DNAH12: variants seen among roughly 807,000 people sequenced by gnomAD.
The protein encoded by DNAH12 is axonemal beta dynein heavy chain 12.
Under a neutral mutation model 371.5 loss-of-function variants are expected in DNAH12, and 285 were observed. The ratio of observed to expected loss-of-function variants is 0.77; its 90% CI spans 0.70 to 0.85. The LOEUF (loss-of-function observed/expected upper bound fraction) is 0.85, where lower values mean the gene tolerates loss of function less well. Ranked by LOEUF, DNAH12 falls within the 40% of genes least tolerant of loss-of-function variation. The pLI is 0.00. For missense variants in DNAH12, 3,611 were observed against 3,689.4 expected (o/e 0.98, Z 0.55); for synonymous variants, 1,200 against 1,213.0 (o/e 0.99, Z 0.22).
chr3:57,298,660 T>G (rs566561817), intron 70 of DNAH12, among the ~76,000 whole-genome samples: 1 of 152,384 alleles, frequency 6.6e-6, no homozygotes, highest in Admixed American at 6.5e-5. Context: ...TTCTTTGCAG[T>G]ATCTAAACCA....
intron 28 of DNAH12, 148 bp downstream of exon 28, chr3:57,445,026 A>T: frequency 8.6e-7 from 1 of 1,156,156 alleles, no homozygotes; most frequent in South Asian, 1.7e-5. Context: ...GAAGTATAAC[A>T]ACATAACCCA....
intron 52 of DNAH12, 32 bp from the exon 53 acceptor site, chr3:57,377,254 T>G (rs1005955832): frequency 4.6e-5 from 7 of 152,174 alleles, no homozygotes; most frequent in Admixed American, 1.3e-4. Context: ...AGATATGATG[T>G]GTACTTTGTA....
chr3:57,383,225 T>C (rs926443523), intron 49 of DNAH12, among the ~76,000 whole-genome samples: 7 of 152,300 alleles, frequency 4.6e-5, no homozygotes, highest in Non-Finnish European at 1.0e-4. Context: ...AATCCATTTA[T>C]AAAATTCCCT....
intron 25 of DNAH12, among the ~76,000 whole-genome samples, chr3:57,448,923 G>A: frequency 1.8e-5 from 2 of 111,108 alleles, no homozygotes; most frequent in Non-Finnish European, 3.7e-5. Context: ...GATACAGAGT[G>A]CCGATTGGTG....
At chr3:57,478,743 A>C (rs1031142839) in intron 13 of DNAH12, among the ~76,000 whole-genome samples, 4 of 152,220 alleles carry the variant, frequency 2.6e-5, no homozygotes, top group African/African-American at 9.6e-5. Context: ...AAACTCTATA[A>C]GCCAGAAGAG....
rs1419144279 is a variant in DNAH12 at position 57,421,392 on chromosome 3, AAAG to A, written c.5562+123_5562+125del. The A allele has an allele frequency of 2.3e-5, 18 of 788,056 alleles. No homozygotes were observed. In the Admixed American group the frequency reaches 4.5e-4, roughly 20 times the overall value. The allele number at this position is 788,056 out of a possible 1,614,324, so 48.8% of individuals were successfully genotyped here. A position where few individuals can be genotyped will look rare whatever the true frequency, so the allele number is the denominator to read the frequency against. On this transcript the variant is annotated intron_variant, in intron 36 of 73. Transcript: ENST00000495027. Reference sequence around the variant, plus strand: ...CAATAAGTTATGGGAGGTGAAACTAAAAGAAGGGAGCTTAAAAAGCTCACCGCA... The same window carrying A: ...CAATAAGTTATGGGAGGTGAAACTAAAAGGGAGCTTAAAAAGCTCACCGCA...
chr3:57,314,567 A>C lies in DNAH12; in HGVS notation c.10589T>G (p.Phe3530Cys), dbSNP rs1426291436. The C allele has an allele frequency of 5.8e-6, 9 of 1,551,440 alleles. No individual in the cohort carries two copies. The highest frequency in any genetic ancestry group is 1.2e-5 in the South Asian group (1 of 83,958). Reference protein sequence around the residue: ...FHALVQERKKFGPLGWNIPYG... With the variant: ...FHALVQERKKCGPLGWNIPYG... The stretch of plus-strand genomic sequence containing the variant: ...TGGAATATTCCAACCAAGAGGACCA[A>C]ATTTCTTTCTCTCTTGCACAAGGGC... Residue 3530 changes from phenylalanine (F) to cysteine (C), a missense_variant, in exon 66 of 74, where the codon TTT (phenylalanine) becomes TGT (cysteine). Transcript: ENST00000495027.
chr3:57,374,768 AT>A (rs1447999583), intron 55 of DNAH12, among the ~76,000 whole-genome samples: 5 of 86,040 alleles, frequency 5.8e-5, no homozygotes, highest in African/African-American at 9.6e-5. Flanking sequence ...TCAGAAAAAA[AT>A]ATGCCAAAAG....
At chr3:57,316,101 A>G (rs2061679269) in intron 65 of DNAH12, among the ~76,000 whole-genome samples, 1 of 151,642 alleles carries the variant, frequency 6.6e-6, no homozygotes, top group African/African-American at 2.4e-5. Context: ...TTAAACATTA[A>G]AACATACTTT....
At chr3:57,401,187 A>C (rs2063849555) in intron 43 of DNAH12, among the ~76,000 whole-genome samples, 1 of 152,112 alleles carries the variant, frequency 6.6e-6, no homozygotes, top group Non-Finnish European at 1.5e-5. Context: ...AAAAACAAAC[A>C]AACCAAAACT....
At chr3:57,447,202 C>G (rs1269010495) in intron 25 of DNAH12, among the ~76,000 whole-genome samples, 1 of 152,210 alleles carries the variant, frequency 6.6e-6, no homozygotes, top group Non-Finnish European at 1.5e-5. Context: ...CATAAAACTG[C>G]TCTATGCTTC....
intron 13 of DNAH12, 134 bp from the exon 14 acceptor site, chr3:57,472,805 T>C (rs1022377171): frequency 6.4e-6 from 6 of 932,548 alleles, no homozygotes; most frequent in Non-Finnish European, 8.1e-6. Context: ...ATATTTTATA[T>C]ATCACCCAAA....
chr3:57,545,098 T>C (rs191114027), upstream of DNAH12, among the ~76,000 whole-genome samples: 141 of 151,974 alleles, frequency 9.3e-4, no homozygotes, highest in Non-Finnish European at 1.5e-3. Flanking sequence ...TAAAACTTCC[T>C]GGTAGTTTGT....
chr3:57,452,675 A>G (rs538715598), intron 25 of DNAH12, among the ~76,000 whole-genome samples, 168 bp downstream of exon 25: 18 of 152,348 alleles, frequency 1.2e-4, no homozygotes, highest in Non-Finnish European at 2.1e-4. Context: ...TGTATGCTAC[A>G]AAAGCACCCA....
At chr3:57,321,218 G>C (rs1482642999) in intron 65 of DNAH12, among the ~76,000 whole-genome samples, 1 of 152,064 alleles carries the variant, frequency 6.6e-6, no homozygotes, top group Non-Finnish European at 1.5e-5. Context: ...ATTCTACTAA[G>C]CTCTCTTTCT....
At chr3:57,533,817 AG>A (rs1425370087) in intron 2 of DNAH12, among the ~76,000 whole-genome samples, 1 of 152,128 alleles carries the variant, frequency 6.6e-6, no homozygotes, top group East Asian at 1.9e-4. Context: ...GCCTGGGGTT[AG>A]GGGTTAGGAA....
rs1245085184 is a variant in DNAH12 at position 57,386,484 on chromosome 3, CGTT to C, written c.7556_7558del (p.Gln2519del). 1 of 152,208 alleles carries C rather than the reference CGTT, an allele frequency of 6.6e-6. No individual in the cohort carries two copies. The highest frequency in any genetic ancestry group is 1.5e-5 in the Non-Finnish European group (1 of 68,042). 9.4% of individuals were successfully genotyped at this position (152,208 alleles called of 1,614,324 possible). A position where few individuals can be genotyped will look rare whatever the true frequency, so the allele number is the denominator to read the frequency against. On this transcript the variant is annotated inframe_deletion, in exon 47 of 74. Coordinates refer to ENST00000495027, the MANE Select transcript of DNAH12 (RefSeq NM_001366028.2). ...TAATTTGTCAAGCCCATTCATGTAT[CGTT>C]GTTTTGCTTCCATGACAGCTTGTCG... is the stretch of plus-strand genomic sequence containing the variant.
At chr3:57,449,773 C>G (rs1195691279) in intron 25 of DNAH12, among the ~76,000 whole-genome samples, 1 of 152,206 alleles carries the variant, frequency 6.6e-6, no homozygotes, top group Non-Finnish European at 1.5e-5. Context: ...CCAGCCTTGG[C>G]CAGCCCAGAA....
chr3:57,353,297 ATT>A lies in DNAH12; in HGVS notation c.9534-1074_9534-1073del, dbSNP rs1217023468. Reference sequence around the variant, plus strand: ...CATTCTAAAAATAGTTTGGCACTTTATTTTTTTTTTTTGGAGACAGGGTCTCA... The same window carrying A: ...CATTCTAAAAATAGTTTGGCACTTTATTTTTTTTTTGGAGACAGGGTCTCA... On this transcript the variant is annotated intron_variant, in intron 59 of 73. Coordinates refer to ENST00000495027, the MANE Select transcript of DNAH12 (RefSeq NM_001366028.2). Among the ~76,000 whole-genome samples, 566 of 145,134 alleles carry A rather than the reference ATT, an allele frequency of 3.9e-3. 5 individuals are homozygous for A. Among genetic ancestry groups the A allele is most frequent in the African/African-American group, 0.014 (539 of 39,606 alleles).
Sources: gnomAD v4.1 joint callset for allele counts (sites outside exome capture counted in the v4.1 genomes callset) on GRCh38, gnomAD v4.1.1 for gene constraint, MANE v1.5 for transcripts, NCBI Gene and HGNC (gene_info 2026-07-23, HGNC 2026-07-21) for gene names.